The following PLXDC2 variants were observed in gnomAD, a reference collection of about 807,000 sequenced individuals.
PLXDC2 encodes plexin domain containing 2.
A neutral mutation model predicts 68.9 loss-of-function variants in PLXDC2; 40 were observed. The observed-to-expected ratio is 0.58, with a 90% CI of 0.45 to 0.76. The LOEUF is 0.76. Ranked by LOEUF, PLXDC2 falls within the 30% of genes least tolerant of loss-of-function variation. The pLI is 0.00. For missense variants in PLXDC2, 644 were observed against 661.9 expected (o/e 0.97, Z 0.30); for synonymous variants, 243 against 234.2 (o/e 1.04, Z -0.34).
intron 6 of PLXDC2, among the ~76,000 whole-genome samples, chr10:20,149,834 G>T (rs2131800034): frequency 6.6e-6 from 1 of 152,200 alleles, no homozygotes; most frequent in African/African-American, 2.4e-5. Context: ...TGGGCATTTA[G>T]GTTGATTCCA....
At chr10:19,919,754 G>A (rs1196383000) in intron 1 of PLXDC2, among the ~76,000 whole-genome samples, 1 of 152,024 alleles carries the variant, frequency 6.6e-6, no homozygotes, top group East Asian at 1.9e-4. Context: ...TTGCCCTTTG[G>A]TCATGGTGTG....
At chr10:20,216,382 G>C (rs1330075566) in intron 10 of PLXDC2, among the ~76,000 whole-genome samples, 1 of 152,100 alleles carries the variant, frequency 6.6e-6, no homozygotes, top group Non-Finnish European at 1.5e-5. Context: ...GAAATAATTA[G>C]ATTAATGGGG....
chr10:20,076,725 C>G (rs1482118470), intron 4 of PLXDC2, among the ~76,000 whole-genome samples: 2 of 152,132 alleles, frequency 1.3e-5, no homozygotes, highest in Non-Finnish European at 2.9e-5. Flanking sequence ...ATTGTCATCT[C>G]TAACTGCTCC....
At chr10:19,961,381 T>G (rs1258687376) in intron 1 of PLXDC2, among the ~76,000 whole-genome samples, 2 of 152,212 alleles carry the variant, frequency 1.3e-5, no homozygotes, top group Non-Finnish European at 2.9e-5. Context: ...TCTGAGTATG[T>G]GTAACTTGAA....
chr10:20,111,420 A>C lies in PLXDC2; in HGVS notation c.542-31875A>C, dbSNP rs577005655. On this transcript the variant is annotated intron_variant, in intron 4 of 13. Transcript: ENST00000377252. ...CATTTTACAGATAAGGACACTTTTT[A>C]AATTTGGATTTCTGAAAATAATTAT... Among the ~76,000 whole-genome samples the C allele has an allele frequency of 2.6e-5, 4 of 152,342 alleles. No homozygotes were observed. The South Asian group carries it at 8.3e-4, about 32-fold the overall frequency.
chr10:19,985,397 T>C (rs1834619366), intron 1 of PLXDC2, among the ~76,000 whole-genome samples: 1 of 152,258 alleles, frequency 6.6e-6, no homozygotes, highest in South Asian at 2.1e-4. Flanking sequence ...AAATCCACTT[T>C]TTCTATAGTA....
intron 3 of PLXDC2, among the ~76,000 whole-genome samples, chr10:20,048,227 A>G (rs1357850261): frequency 1.3e-5 from 2 of 152,156 alleles, no homozygotes; most frequent in Non-Finnish European, 1.5e-5. Flanking sequence ...TGTTCCTGTT[A>G]TCAGGAGATC....
chr10:19,897,034 TC>T (rs1490268337), intron 1 of PLXDC2, among the ~76,000 whole-genome samples: 1 of 151,268 alleles, frequency 6.6e-6, no homozygotes, highest in East Asian at 1.9e-4. Context: ...TTTACTGCAG[TC>T]CCCTGTCACC....
At chr10:19,968,809 A>G (rs1483240488) in intron 1 of PLXDC2, among the ~76,000 whole-genome samples, 1 of 152,322 alleles carries the variant, frequency 6.6e-6, no homozygotes, top group East Asian at 1.9e-4. Flanking sequence ...CTGTAAAACT[A>G]TTGATTAAGT....
intron 1 of PLXDC2, among the ~76,000 whole-genome samples, chr10:19,956,972 C>T (rs935030668): frequency 6.6e-6 from 1 of 152,096 alleles, no homozygotes; most frequent in African/African-American, 2.4e-5. Flanking sequence ...TATAAAAGGG[C>T]AGTTTTAGGT....
chr10:19,866,638 C>T (rs1206725772), intron 1 of PLXDC2, among the ~76,000 whole-genome samples: 1 of 152,200 alleles, frequency 6.6e-6, no homozygotes, highest in Non-Finnish European at 1.5e-5. Context: ...CAAGACAATA[C>T]TGACACCAGG....
intron 1 of PLXDC2, among the ~76,000 whole-genome samples, chr10:19,922,308 AG>A (rs1317511181): frequency 6.6e-6 from 1 of 152,238 alleles, no homozygotes; most frequent in Non-Finnish European, 1.5e-5. Context: ...TGTGGTTAAA[AG>A]CTTATCGTAA....
At chr10:19,859,861 A>G (rs1324923687) in intron 1 of PLXDC2, among the ~76,000 whole-genome samples, 1 of 152,082 alleles carries the variant, frequency 6.6e-6, no homozygotes, top group Non-Finnish European at 1.5e-5. Context: ...TCTCCCAAGT[A>G]GCTGGGATTA....
intron 13 of PLXDC2, among the ~76,000 whole-genome samples, chr10:20,267,328 T>C (rs555101954): frequency 4.7e-4 from 71 of 152,268 alleles, no homozygotes; most frequent in Non-Finnish European, 9.3e-4. Context: ...ATTTTATATA[T>C]AAGAACATGG....
At chr10:20,200,438 C>A (rs1490933564) in intron 9 of PLXDC2, among the ~76,000 whole-genome samples, 1 of 152,044 alleles carries the variant, frequency 6.6e-6, no homozygotes, top group South Asian at 2.1e-4. Flanking sequence ...CATAAGTAAT[C>A]TCATATATAG....
At chr10:19,976,254 C>T (rs527626543) in intron 1 of PLXDC2, among the ~76,000 whole-genome samples, 268 of 152,166 alleles carry the variant, frequency 1.8e-3, no homozygotes, top group Non-Finnish European at 1.7e-3. Flanking sequence ...CACTCTGTCA[C>T]CCAGGCTGGA....
intron 4 of PLXDC2, among the ~76,000 whole-genome samples, chr10:20,084,231 G>T (rs1833159957): frequency 6.6e-6 from 1 of 152,202 alleles, no homozygotes; most frequent in Non-Finnish European, 1.5e-5. Flanking sequence ...TTTTAAATTA[G>T]GTTGTCCAAA....
intron 1 of PLXDC2, among the ~76,000 whole-genome samples, chr10:19,830,923 A>G (rs963349365): frequency 6.6e-6 from 1 of 152,100 alleles, no homozygotes; most frequent in Non-Finnish European, 1.5e-5. Flanking sequence ...CTATTTGTGT[A>G]AGTATTCAAT....
At chr10:20,226,558 CA>C (rs1835290144) in intron 12 of PLXDC2, among the ~76,000 whole-genome samples, 1 of 152,174 alleles carries the variant, frequency 6.6e-6, no homozygotes, top group Admixed American at 6.5e-5. Flanking sequence ...AATAGTTTTA[CA>C]AATTGTTGTC....
Sources: gnomAD v4.1 joint callset for allele counts (sites outside exome capture counted in the v4.1 genomes callset) on GRCh38, gnomAD v4.1.1 for gene constraint, MANE v1.5 for transcripts, NCBI Gene and HGNC (gene_info 2026-07-23, HGNC 2026-07-21) for gene names.